Variants in FAM149A observed in about 807,000 individuals in gnomAD.
FAM149A encodes family with sequence similarity 149 member A, also known as protein FAM149A.
Under a neutral mutation model 78.2 loss-of-function variants are expected in FAM149A, and 71 were observed. The observed-to-expected ratio is 0.91, with a 90% CI of 0.75 to 1.11. FAM149A has a LOEUF of 1.11. FAM149A is among the 50% of genes least tolerant of loss of function. The pLI is 0.00. For synonymous variants in FAM149A, 446 were observed against 410.5 expected (o/e 1.09, Z -1.04); for missense variants, 1,036 against 971.0 (o/e 1.07, Z -0.89).
In FAM149A at chr4:186,125,419, A is replaced by G. The variant is rs576732712; in HGVS notation, c.566+19777A>G. The G allele has an allele frequency of 2.4e-5, 20 of 819,660 alleles. No homozygotes were observed. The East Asian group carries it at 2.2e-3, about 92-fold the overall frequency. 50.8% of individuals were successfully genotyped at this position (819,660 alleles called of 1,614,324 possible). ...GGAAGCAGCCCTAGGCAGCCCCACA[A>G]ACACAGTAATGACGCTGCCTCTCGG... On this transcript the variant is annotated intron_variant, in intron 1 of 13. Coordinates refer to ENST00000389354, the MANE Select transcript of FAM149A (RefSeq NM_001367768.3).
chr4:186,120,425 A>G (rs986706727), intron 1 of FAM149A, among the ~76,000 whole-genome samples: 6 of 152,184 alleles, frequency 3.9e-5, no homozygotes, highest in Non-Finnish European at 7.3e-5. Flanking sequence ...ATCTACTTCC[A>G]AAGTAATTCA....
chr4:186,116,597 T>G, intron 1 of FAM149A: 1 of 832,872 alleles, frequency 1.2e-6, no homozygotes, highest in East Asian at 2.8e-4. Context: ...ATATTTAAAT[T>G]TTTTTTTTTT....
chr4:186,131,507 G>C (rs1249948140), intron 1 of FAM149A, among the ~76,000 whole-genome samples: 1 of 152,138 alleles, frequency 6.6e-6, no homozygotes, highest in Non-Finnish European at 1.5e-5. Flanking sequence ...GGACTTCCAG[G>C]CTCCATAACT....
chr4:186,163,989 A>G (rs965649344), intron 10 of FAM149A, among the ~76,000 whole-genome samples: 4 of 152,228 alleles, frequency 2.6e-5, no homozygotes, highest in Non-Finnish European at 5.9e-5. Context: ...TGTATATAAA[A>G]TGCTATAAAA....
At chr4:186,136,964 T>TTTCTCTCTC (rs2099323211) in intron 1 of FAM149A, among the ~76,000 whole-genome samples, 2 of 97,042 alleles carry the variant, frequency 2.1e-5, no homozygotes, top group African/African-American at 8.9e-5. Flanking sequence ...CTCTCTCTCT[T>TTTCTCTCTC]TCTCTCTCTC....
intron 1 of FAM149A, chr4:186,117,907 G>A: frequency 2.0e-6 from 2 of 985,284 alleles, no homozygotes; most frequent in African/African-American, 1.7e-5. Context: ...GGCTGAGGAA[G>A]CAAGAGGAAG....
intron 1 of FAM149A, among the ~76,000 whole-genome samples, chr4:186,142,414 A>C (rs2099326219): frequency 1.3e-5 from 2 of 152,228 alleles, no homozygotes; most frequent in South Asian, 4.1e-4. Context: ...AGCTGAGTGT[A>C]TCGTGCATGT....
chr4:186,130,806 T>G (rs148237219), intron 1 of FAM149A, among the ~76,000 whole-genome samples: 22 of 152,212 alleles, frequency 1.4e-4, no homozygotes, highest in Admixed American at 8.5e-4. Context: ...GATGCAAAGG[T>G]AGACAAATAG....
chr4:186,141,326 CTAAT>C (rs2099325680), intron 1 of FAM149A, among the ~76,000 whole-genome samples: 1 of 152,098 alleles, frequency 6.6e-6, no homozygotes, highest in South Asian at 2.1e-4. Flanking sequence ...TTAAAAATAT[CTAAT>C]TACCAATTTT....
chr4:186,135,627 C>T (rs902026608), intron 1 of FAM149A, among the ~76,000 whole-genome samples: 9 of 152,196 alleles, frequency 5.9e-5, no homozygotes, highest in African/African-American at 2.2e-4. Flanking sequence ...TCACCGACAG[C>T]GCTGTCTATA....
chr4:186,168,444 C>T (rs1735241791), intron 13 of FAM149A, among the ~76,000 whole-genome samples: 1 of 152,228 alleles, frequency 6.6e-6, no homozygotes, highest in South Asian at 2.1e-4. Flanking sequence ...CAACCTCCAC[C>T]TCCCAGGTTC....
intron 1 of FAM149A, chr4:186,109,446 C>A (rs1331821600): frequency 1.0e-6 from 1 of 980,730 alleles, no homozygotes; most frequent in Non-Finnish European, 1.2e-6. Flanking sequence ...TCCTCTGACA[C>A]TGAGGCAGCC....
chr4:186,154,163 T>C (rs544882567), intron 5 of FAM149A, among the ~76,000 whole-genome samples: 3 of 152,312 alleles, frequency 2.0e-5, no homozygotes, highest in Admixed American at 2.0e-4. Flanking sequence ...CTAGCAGATT[T>C]TGATGACTCT....
At chr4:186,113,837 G>A (rs1200492025) in intron 1 of FAM149A, among the ~76,000 whole-genome samples, 1 of 151,438 alleles carries the variant, frequency 6.6e-6, no homozygotes, top group African/African-American at 2.4e-5. Context: ...TTTGGAATAG[G>A]TGTGGTGTGG....
chr4:186,136,940 CTCTCTCTCTCTCTCTCTCTCTCTT>C (rs1561396120), intron 1 of FAM149A, among the ~76,000 whole-genome samples: 12 of 91,518 alleles, frequency 1.3e-4, no homozygotes, highest in African/African-American at 3.6e-4. Flanking sequence ...TGATTGATCT[CTCTCTCTCTCTCTCTCTCTCTCTT>C]TCTCTCTCTC....
At chr4:186,136,787 G>C (rs1401456375) in intron 1 of FAM149A, among the ~76,000 whole-genome samples, 2 of 152,200 alleles carry the variant, frequency 1.3e-5, no homozygotes, top group African/African-American at 4.8e-5. Context: ...TGCAGGTGGG[G>C]TGCTCAACAA....
chr4:186,132,768 C>T (rs1240577534), intron 1 of FAM149A, among the ~76,000 whole-genome samples: 1 of 152,136 alleles, frequency 6.6e-6, no homozygotes. Flanking sequence ...AGATATTGAA[C>T]CTTTTATCTG....
Position 186,172,109 on chromosome 4 carries a change from A to G in FAM149A, c.*122A>G. ...TGACAGTGTGAGATGTTAGACCGAGAGAAAAGCAAACAAATAAATCACTTA... is the reference window on the plus strand; with the variant it reads ...TGACAGTGTGAGATGTTAGACCGAGGGAAAAGCAAACAAATAAATCACTTA... On this transcript the variant is annotated 3_prime_UTR_variant, in exon 14 of 14. Coordinates refer to ENST00000389354, the MANE Select transcript of FAM149A (RefSeq NM_001367768.3). 2.2e-6 allele frequency: 3 copies of G among 1,384,108 alleles called. No homozygotes were observed. The highest frequency in any genetic ancestry group is 2.9e-6 in the Non-Finnish European group (3 of 1,042,702). The allele number at this position is 1,384,108 out of a possible 1,614,324, so 85.7% of individuals were successfully genotyped here. A position where few individuals can be genotyped will look rare whatever the true frequency, so the allele number is the denominator to read the frequency against.
Position 186,144,855 on chromosome 4 carries a change from G to A in FAM149A, c.567-4318G>A. ...GCGCGGGCGGGGCGGAGGATCTGGA[G>A]AGGGAAGGGGCGTGCGAGCCCCGCG... On this transcript the variant is annotated intron_variant, in intron 1 of 13. Coordinates refer to ENST00000389354, the MANE Select transcript of FAM149A (RefSeq NM_001367768.3). The surrounding 1 kb of genome is among the most constrained non-coding windows in gnomAD (Gnocchi z 4.2). The A allele has an allele frequency of 1.0e-6, 1 of 978,824 alleles. No individual in the cohort carries two copies. Among genetic ancestry groups the A allele is most frequent in the Non-Finnish European group, 1.2e-6 (1 of 827,828 alleles). 60.6% of individuals were successfully genotyped at this position (978,824 alleles called of 1,614,324 possible).
Sources: allele counts gnomAD v4.1 joint callset (sites outside exome capture counted in the v4.1 genomes callset), GRCh38; gene constraint gnomAD v4.1.1; non-coding constraint Gnocchi (gnomAD v3.1); transcripts MANE v1.5; gene names NCBI Gene and HGNC (gene_info 2026-07-23, HGNC 2026-07-21).